MICAL2: variants seen among roughly 807,000 people sequenced by gnomAD.
MICAL2 encodes the protein microtubule associated monooxygenase, calponin and LIM domain containing 2.
In MICAL2, 77 loss-of-function variants were observed where a neutral mutation model predicts 127.3. The observed-to-expected ratio is 0.60, with a 90% confidence interval of 0.50 to 0.73. MICAL2 has a LOEUF of 0.73. MICAL2 is among the 30% of genes least tolerant of loss of function. The probability of loss-of-function intolerance (pLI) is 0.00; values close to 1 mark genes in which losing one functional copy is unlikely to be tolerated. For synonymous variants in MICAL2, 570 were observed against 551.1 expected, an observed-to-expected ratio of 1.03 and a Z score of -0.48; for missense variants, 1,351 against 1,434.4, an observed-to-expected ratio of 0.94 and a Z score of 0.94.
chr11:12,268,856 A>G (rs545138525), intron 24 of MICAL2, among the ~76,000 whole-genome samples: 84 of 151,504 alleles, frequency 5.5e-4, no homozygotes, highest in East Asian at 2.3e-3. Context: ...AAAATTAGCC[A>G]GGCGTAGTGG....
At chr11:12,176,943 C>A (rs1460551392) in intron 3 of MICAL2, among the ~76,000 whole-genome samples, 4 of 152,154 alleles carry the variant, frequency 2.6e-5, no homozygotes, top group Non-Finnish European at 4.4e-5. Context: ...ATATACGTAT[C>A]TATTTCTTCA....
rs565776972 is a variant in MICAL2, at chr11:12,247,457, A to T, written c.2785-1727A>T. On this transcript the variant is annotated intron_variant, in intron 21 of 27. Coordinates refer to ENST00000683283, the MANE Select transcript of MICAL2 (RefSeq NM_001282663.2). Reference sequence around the variant, plus strand: ...TTCTTTCACAGTATGGCTGGGAATGATGGAGGACCTCTTAGAATGGACTCT... The same window carrying T: ...TTCTTTCACAGTATGGCTGGGAATGTTGGAGGACCTCTTAGAATGGACTCT... 1.5e-4 allele frequency among the ~76,000 whole-genome samples: 23 copies of T among 152,306 alleles called. No individual in the cohort carries two copies. In the South Asian group the frequency reaches 2.3e-3, roughly 15 times the overall value.
chr11:12,239,311 C>A, intron 16 of MICAL2, 125 bp from the exon 17 acceptor site: 1 of 1,346,042 alleles, frequency 7.4e-7, no homozygotes, highest in Non-Finnish European at 1.1e-6. Flanking sequence ...CTCTGCCTCC[C>A]TTCCTCAGAC....
At chr11:12,354,801 T>C in exon 34 of MICAL2, 1 of 1,614,036 alleles carries the variant, frequency 6.2e-7, no homozygotes, top group South Asian at 1.1e-5. Flanking sequence ...GAACTGGAAT[T>C]AGAAGATCAT....
At chr11:12,340,238 A>G (rs2134879517) in intron 32 of MICAL2, among the ~76,000 whole-genome samples, 1 of 152,370 alleles carries the variant, frequency 6.6e-6, no homozygotes, top group East Asian at 1.9e-4. Flanking sequence ...ATAAATATAG[A>G]CAAATGACAT....
At chr11:12,225,274 C>T (rs1263716075) in intron 13 of MICAL2, among the ~76,000 whole-genome samples, 3 of 152,152 alleles carry the variant, frequency 2.0e-5, no homozygotes, top group African/African-American at 4.8e-5. Flanking sequence ...TTAGATTCTT[C>T]GTCTACAAAT....
rs115650344 is a variant in MICAL2 at position 12,111,826 on chromosome 11, C to G, written c.-149+1100C>G. 9.5e-3 allele frequency among the ~76,000 whole-genome samples: 1,446 copies of G among 152,328 alleles called. 22 individuals are homozygous for G. Among genetic ancestry groups the G allele is most frequent in the African/African-American group, 0.032 (1,316 of 41,564 alleles). On this transcript the variant is annotated intron_variant, in intron 1 of 27. Transcript: ENST00000683283. ...GTGTTTGTGCCAGGTTCCCTGACAC[C>G]TGCACTTACTCTGTCCTGCTCCCCC...
intron 34 of MICAL2, among the ~76,000 whole-genome samples, chr11:12,357,586 C>T (rs1314261180): frequency 6.6e-6 from 1 of 152,178 alleles, no homozygotes; most frequent in Non-Finnish European, 1.5e-5. Flanking sequence ...TGCCTGTAAT[C>T]CCAGCACTTT....
intron 1 of MICAL2, among the ~76,000 whole-genome samples, chr11:12,133,676 G>A (rs1185527949): frequency 6.6e-6 from 1 of 152,142 alleles, no homozygotes. Context: ...TTTACAGCCT[G>A]TTGGCTGGTT....
At chr11:12,294,704 G>A (rs1863957382), downstream of MICAL2, 2 of 1,614,040 alleles carry the variant, frequency 1.2e-6, no homozygotes, top group Non-Finnish European at 1.7e-6. Context: ...GGACCTCTTT[G>A]GCAGCCCCAA....
downstream of MICAL2, among the ~76,000 whole-genome samples, chr11:12,267,037 G>A (rs753452335): frequency 1.1e-4 from 16 of 152,196 alleles, no homozygotes; most frequent in African/African-American, 2.7e-4. Flanking sequence ...CAGCGGTCTC[G>A]ATTCACACTG....
intron 11 of MICAL2, 151 bp downstream of exon 11, chr11:12,222,894 C>A (rs1021010796): frequency 2.3e-5 from 23 of 992,658 alleles, no homozygotes; most frequent in Non-Finnish European, 3.2e-5. Flanking sequence ...TTCTTCTCCC[C>A]ACTCGAGTCA....
chr11:12,344,472 C>CTATTATTATTAT (rs1555024327), intron 32 of MICAL2, among the ~76,000 whole-genome samples: 38 of 141,476 alleles, frequency 2.7e-4, no homozygotes, highest in Non-Finnish European at 3.8e-4. Context: ...ATTCTAGAAA[C>CTATTATTATTAT]TATTATTATT....
chr11:12,180,878 A>T (rs997562954), intron 3 of MICAL2, among the ~76,000 whole-genome samples: 4 of 150,774 alleles, frequency 2.7e-5, no homozygotes, highest in Admixed American at 6.6e-5. Flanking sequence ...GGTGATAAGG[A>T]TACAGAGAGG....
intron 2 of MICAL2, among the ~76,000 whole-genome samples, chr11:12,150,727 T>C (rs903723817): frequency 1.3e-5 from 2 of 152,186 alleles, no homozygotes; most frequent in Non-Finnish European, 2.9e-5. Flanking sequence ...GCCATTTAGA[T>C]ACAAAGGTTC....
chr11:12,338,403 T>C (rs942985842), intron 32 of MICAL2, among the ~76,000 whole-genome samples: 1 of 152,238 alleles, frequency 6.6e-6, no homozygotes, highest in African/African-American at 2.4e-5. Context: ...CTTGACTCTT[T>C]ATCCAATTTG....
intron 6 of MICAL2, among the ~76,000 whole-genome samples, chr11:12,212,140 G>T (rs1161691556): frequency 6.6e-6 from 1 of 152,060 alleles, no homozygotes; most frequent in Non-Finnish European, 1.5e-5. Flanking sequence ...AGCCATACAG[G>T]GTCTTTCTAA....
chr11:12,142,391 A>C (rs977876014), intron 2 of MICAL2, among the ~76,000 whole-genome samples: 6 of 152,190 alleles, frequency 3.9e-5, no homozygotes, highest in African/African-American at 1.4e-4. Context: ...AGGCTATAAG[A>C]TGGCCCAGCC....
At chr11:12,351,441 C>T (rs1939043851) in intron 33 of MICAL2, among the ~76,000 whole-genome samples, 1 of 152,178 alleles carries the variant, frequency 6.6e-6, no homozygotes, top group Non-Finnish European at 1.5e-5. Flanking sequence ...TGCTACTAAA[C>T]ATCCTACAAA....
Sources: gnomAD v4.1 joint callset for allele counts (sites outside exome capture counted in the v4.1 genomes callset) on GRCh38, gnomAD v4.1.1 for gene constraint, MANE v1.5 for transcripts, NCBI Gene and HGNC (gene_info 2026-07-23, HGNC 2026-07-21) for gene names.